THRB: variants seen among roughly 807,000 people sequenced by gnomAD.
THRB encodes nuclear receptor subfamily 1 group A member 2.
In THRB, 12 loss-of-function variants were observed where a neutral mutation model predicts 47.8. The observed-to-expected ratio is 0.25, with a 90% CI of 0.16 to 0.41. THRB has a LOEUF of 0.41. Ranked by LOEUF, THRB falls within the 10% of genes least tolerant of loss-of-function variation. The pLI, the probability that THRB is intolerant of heterozygous loss-of-function variation, is 1.00. For missense variants in THRB, 348 were observed against 589.2 expected (o/e 0.59, Z 4.24); for synonymous variants, 218 against 212.2 (o/e 1.03, Z -0.24).
intron 1 of THRB, among the ~76,000 whole-genome samples, chr3:24,460,471 C>T (rs1024188624): frequency 6.6e-6 from 1 of 152,092 alleles, no homozygotes; most frequent in Non-Finnish European, 1.5e-5. Flanking sequence ...ATTTTTGAAC[C>T]AGATTTCTTT....
At chr3:24,255,592 G>C (rs1370787061) in intron 3 of THRB, among the ~76,000 whole-genome samples, 2 of 152,194 alleles carry the variant, frequency 1.3e-5, no homozygotes, top group African/African-American at 4.8e-5. Flanking sequence ...CTAGAATGAA[G>C]TCAAAGGATG....
At chr3:24,299,654 TC>T (rs1364060603) in intron 2 of THRB, among the ~76,000 whole-genome samples, 1 of 151,980 alleles carries the variant, frequency 6.6e-6, no homozygotes, top group Non-Finnish European at 1.5e-5. Flanking sequence ...TCTTTTTTTT[TC>T]CTATTTGTTA....
intron 1 of THRB, among the ~76,000 whole-genome samples, chr3:24,447,266 A>G (rs997990485): frequency 6.6e-6 from 1 of 152,216 alleles, no homozygotes; most frequent in Non-Finnish European, 1.5e-5. Context: ...CATTACCATG[A>G]GAAAACCCCA....
chr3:24,340,804 T>A (rs1334126206), intron 1 of THRB, among the ~76,000 whole-genome samples: 2 of 152,242 alleles, frequency 1.3e-5, no homozygotes, highest in Non-Finnish European at 1.5e-5. Flanking sequence ...TCTTTGCTAA[T>A]ATGTTATTAA....
intron 2 of THRB, among the ~76,000 whole-genome samples, chr3:24,308,353 C>T (rs751828430): frequency 2.0e-5 from 3 of 152,144 alleles, no homozygotes; most frequent in Non-Finnish European, 4.4e-5. Context: ...ATTAGGGAGG[C>T]TTAACAATAC....
At chr3:24,399,999 A>G (rs1437404242) in intron 1 of THRB, among the ~76,000 whole-genome samples, 2 of 152,128 alleles carry the variant, frequency 1.3e-5, no homozygotes, top group African/African-American at 4.8e-5. Flanking sequence ...CTGTTTTCAA[A>G]TTCCTTTTCT....
intron 3 of THRB, among the ~76,000 whole-genome samples, chr3:24,295,785 G>C (rs796098051): frequency 9.2e-5 from 14 of 152,290 alleles, no homozygotes; most frequent in African/African-American, 3.1e-4. Context: ...GTCAGTCACT[G>C]AACTTCTCCA....
intron 1 of THRB, among the ~76,000 whole-genome samples, chr3:24,456,189 A>G (rs1019833145): frequency 1.3e-5 from 2 of 151,966 alleles, no homozygotes; most frequent in African/African-American, 4.8e-5. Context: ...TTAAAAATTA[A>G]CTGGGTGTTC....
At chr3:24,386,813 A>G (rs954825910) in intron 1 of THRB, among the ~76,000 whole-genome samples, 1 of 152,192 alleles carries the variant, frequency 6.6e-6, no homozygotes, top group African/African-American at 2.4e-5. Flanking sequence ...AAACCTGAAC[A>G]GAAAGCCTCA....
chr3:24,361,032 G>GC (rs1157778799), intron 1 of THRB, among the ~76,000 whole-genome samples: 1 of 152,134 alleles, frequency 6.6e-6, no homozygotes, highest in African/African-American at 2.4e-5. Flanking sequence ...AGAAATTTGG[G>GC]CAGAGGAATG....
chr3:24,230,982 A>T (rs1453448778), intron 3 of THRB, among the ~76,000 whole-genome samples: 1 of 152,210 alleles, frequency 6.6e-6, no homozygotes, highest in Non-Finnish European at 1.5e-5. Flanking sequence ...GATCCATCTG[A>T]CATTCACAGA....
intron 1 of THRB, chr3:24,459,571 C>A (rs1440866806): frequency 6.6e-6 from 1 of 152,146 alleles, no homozygotes; most frequent in Non-Finnish European, 1.5e-5. Context: ...CTAATTTACA[C>A]CCCCACCAAC....
chr3:24,162,785 T>C (rs2039069725), intron 5 of THRB, among the ~76,000 whole-genome samples: 1 of 152,118 alleles, frequency 6.6e-6, no homozygotes, highest in Admixed American at 6.6e-5. Flanking sequence ...CATTGGGTAG[T>C]GTAGCCTTCC....
chr3:24,207,016 C>T (rs1006209664), intron 4 of THRB, among the ~76,000 whole-genome samples: 2 of 151,944 alleles, frequency 1.3e-5, no homozygotes, highest in African/African-American at 4.8e-5. Context: ...GCCTACCAAC[C>T]AAAAAAAGTC....
chr3:24,369,524 A>G (rs1344667612), intron 1 of THRB, among the ~76,000 whole-genome samples: 1 of 152,124 alleles, frequency 6.6e-6, no homozygotes, highest in Non-Finnish European at 1.5e-5. Flanking sequence ...TAATATAAAC[A>G]ACTTAAATTG....
chr3:24,194,928 A>G (rs546275225), intron 4 of THRB, among the ~76,000 whole-genome samples: 1 of 152,322 alleles, frequency 6.6e-6, no homozygotes, highest in African/African-American at 2.4e-5. Flanking sequence ...TCATTGCAAG[A>G]GTTTAGCTTG....
chr3:24,251,516 A>G (rs2050666942), intron 3 of THRB, among the ~76,000 whole-genome samples: 1 of 152,158 alleles, frequency 6.6e-6, no homozygotes, highest in Non-Finnish European at 1.5e-5. Flanking sequence ...GGAATTATTT[A>G]TGTATACTGA....
intron 5 of THRB, among the ~76,000 whole-genome samples, chr3:24,162,060 A>T (rs1339773651): frequency 6.6e-6 from 1 of 152,080 alleles, no homozygotes; most frequent in Non-Finnish European, 1.5e-5. Flanking sequence ...CGAGAGGTTG[A>T]CCTGCAAAGC....
intron 1 of THRB, among the ~76,000 whole-genome samples, chr3:24,414,059 TA>T (rs2068548303): frequency 6.6e-6 from 1 of 151,854 alleles, no homozygotes. Context: ...TTCAAATAGA[TA>T]TATAGAGAGT....
Sources: allele counts gnomAD v4.1 joint callset (sites outside exome capture counted in the v4.1 genomes callset), GRCh38; gene constraint gnomAD v4.1.1; transcripts MANE v1.5; gene names NCBI Gene and HGNC (gene_info 2026-07-23, HGNC 2026-07-21).